Variants in GSK3B observed in about 807,000 individuals in gnomAD.
GSK3B encodes glycogen synthase kinase-3 beta.
A neutral mutation model predicts 56.4 loss-of-function variants in GSK3B; 15 were observed. The ratio of observed to expected loss-of-function variants is 0.27; its 90% CI spans 0.18 to 0.41. GSK3B has a LOEUF of 0.41. GSK3B is among the 10% of genes least tolerant of loss of function. GSK3B has a pLI of 1.00. For missense variants in GSK3B, 300 were observed against 513.4 expected, an observed-to-expected ratio of 0.58 and a Z score of 4.02; for synonymous variants, 181 against 188.9, an observed-to-expected ratio of 0.96 and a Z score of 0.34.
chr3:120,093,156 G>T (rs544473743), intron 1 of GSK3B, among the ~76,000 whole-genome samples, 191 bp downstream of exon 1: 1 of 152,244 alleles, frequency 6.6e-6, no homozygotes, highest in South Asian at 2.1e-4. Flanking sequence ...TCAATTCAAG[G>T]TTAATGAGAC....
rs1338651057 is a variant in GSK3B at position 119,916,026 on chromosome 3, A to G, written c.608+18T>C. 2 of 1,593,710 alleles carry G rather than the reference A, an allele frequency of 1.3e-6. No individual in the cohort carries two copies. The highest frequency in any genetic ancestry group is 1.7e-6 in the Non-Finnish European group (2 of 1,163,046). On this transcript the variant is annotated intron_variant, in intron 5 of 10. Coordinates refer to ENST00000264235, the MANE Select transcript of GSK3B (RefSeq NM_001146156.2). ...GGAGGGGAAAAGGGAAGGGGCAGGG[A>G]GAGGGACAGTAGCTTACCTTCCAAA...
At chr3:120,058,967 G>A (rs866871930) in intron 1 of GSK3B, among the ~76,000 whole-genome samples, 7 of 148,746 alleles carry the variant, frequency 4.7e-5, no homozygotes, top group South Asian at 2.1e-4. Context: ...TCAAGATCAC[G>A]CCATTGCACT....
At chr3:119,863,380 T>C in intron 9 of GSK3B, 39 bp downstream of exon 9, 1 of 1,519,826 alleles carries the variant, frequency 6.6e-7, no homozygotes, top group Non-Finnish European at 9.1e-7. Context: ...GGGTGTAGCT[T>C]TCCTAGAACT....
intron 1 of GSK3B, among the ~76,000 whole-genome samples, chr3:120,040,138 A>G (rs1327997685): frequency 6.6e-6 from 1 of 152,250 alleles, no homozygotes; most frequent in African/African-American, 2.4e-5. Context: ...CAGGGGCGAC[A>G]AAGTATTTCC....
chr3:119,965,038 C>CTTTTTTTTTTTTTTTTT (rs573903125), intron 2 of GSK3B, among the ~76,000 whole-genome samples: 4 of 125,628 alleles, frequency 3.2e-5, no homozygotes, highest in Non-Finnish European at 3.4e-5. Context: ...ATTATGTTTT[C>CTTTTTTTTTTTTTTTTT]TTTTTTTTTT....
intron 9 of GSK3B, among the ~76,000 whole-genome samples, chr3:119,862,661 T>C (rs2056122261): frequency 6.9e-6 from 1 of 145,296 alleles, no homozygotes; most frequent in Middle Eastern, 3.3e-3. Flanking sequence ...ATATCAACTA[T>C]TTCTTGTTTT....
At chr3:120,074,092 T>C (rs138106257) in intron 1 of GSK3B, among the ~76,000 whole-genome samples, 6 of 151,826 alleles carry the variant, frequency 4.0e-5, no homozygotes, top group Non-Finnish European at 8.8e-5. Flanking sequence ...ATCACTTGAG[T>C]CTAGGAGTTC....
At chr3:120,039,541 C>T (rs1283647028) in intron 1 of GSK3B, among the ~76,000 whole-genome samples, 1 of 152,170 alleles carries the variant, frequency 6.6e-6, no homozygotes, top group Non-Finnish European at 1.5e-5. Flanking sequence ...TAGCTTACAA[C>T]TGTTCCCTTG....
chr3:119,878,290 A>T (rs2056338107), intron 7 of GSK3B, among the ~76,000 whole-genome samples: 1 of 152,214 alleles, frequency 6.6e-6, no homozygotes, highest in Non-Finnish European at 1.5e-5. Context: ...AGACAAACCA[A>T]TACAAATCAG....
At chr3:119,860,676 T>C (rs530277618) in intron 9 of GSK3B, among the ~76,000 whole-genome samples, 1 of 152,356 alleles carries the variant, frequency 6.6e-6, no homozygotes, top group African/African-American at 2.4e-5. Context: ...TTAATCTTTA[T>C]AGTTCTGTAC....
At chr3:119,920,550 TTC>T (rs1325464322) in intron 4 of GSK3B, among the ~76,000 whole-genome samples, 5 of 152,206 alleles carry the variant, frequency 3.3e-5, no homozygotes, top group African/African-American at 9.7e-5. Flanking sequence ...ACCTCAGTGT[TTC>T]TTTAGAACAG....
intron 1 of GSK3B, among the ~76,000 whole-genome samples, chr3:120,010,444 G>T (rs893828649): frequency 9.2e-5 from 14 of 152,144 alleles, no homozygotes; most frequent in Non-Finnish European, 4.4e-5. Flanking sequence ...CCAAGGTATT[G>T]AATGCATTCT....
chr3:120,023,007 C>A (rs889044726), intron 1 of GSK3B, among the ~76,000 whole-genome samples: 48 of 152,106 alleles, frequency 3.2e-4, no homozygotes, highest in Admixed American at 2.7e-3. Context: ...TCCCTTGAAA[C>A]AGAACTTTCA....
At chr3:120,075,040 A>C (rs1364910487) in intron 1 of GSK3B, among the ~76,000 whole-genome samples, 1 of 152,238 alleles carries the variant, frequency 6.6e-6, no homozygotes, top group African/African-American at 2.4e-5. Context: ...AAAAAATTAC[A>C]CATCATGATC....
chr3:119,866,249 T>G (rs2056181182), intron 8 of GSK3B, among the ~76,000 whole-genome samples: 1 of 152,108 alleles, frequency 6.6e-6, no homozygotes. Context: ...AAGCTTCCGC[T>G]GTCACTTCTT....
At chr3:119,846,653 G>A (rs2055860956) in intron 9 of GSK3B, among the ~76,000 whole-genome samples, 1 of 152,176 alleles carries the variant, frequency 6.6e-6, no homozygotes, top group Admixed American at 6.5e-5. Flanking sequence ...ATGCTGGAGA[G>A]GATGTGGAGA....
At chr3:119,882,480 T>C (rs1325887097) in intron 7 of GSK3B, among the ~76,000 whole-genome samples, 1 of 152,172 alleles carries the variant, frequency 6.6e-6, no homozygotes, top group Non-Finnish European at 1.5e-5. Flanking sequence ...CATTTTACTA[T>C]ATTTGGTTCA....
Position 119,871,288 on chromosome 3 carries a change from T to C in GSK3B, c.909+5125A>G, listed in dbSNP as rs114559923. On this transcript the variant is annotated intron_variant, in intron 8 of 10. Transcript: ENST00000264235. ...ACTAGTATTGATTCACTATGAAGCA[T>C]ATTGACAGTGTTTTAGGAAATCAAG... is the stretch of plus-strand genomic sequence containing the variant. 5.4e-3 allele frequency among the ~76,000 whole-genome samples: 826 copies of C among 152,332 alleles called. 4 individuals carry two copies. Among genetic ancestry groups the C allele is most frequent in the African/African-American group, 0.019 (773 of 41,578 alleles).
intron 1 of GSK3B, among the ~76,000 whole-genome samples, chr3:120,079,506 T>TGCCTTA (rs2058399187): frequency 6.6e-6 from 1 of 152,138 alleles, no homozygotes; most frequent in Admixed American, 6.5e-5. Context: ...ACGATTCTCC[T>TGCCTTA]GCCTTAGCCT....
Sources: gnomAD v4.1 joint callset for allele counts (sites outside exome capture counted in the v4.1 genomes callset) on GRCh38, gnomAD v4.1.1 for gene constraint, MANE v1.5 for transcripts, NCBI Gene and HGNC (gene_info 2026-07-23, HGNC 2026-07-21) for gene names.